Variants in AATF observed in about 807,000 individuals in gnomAD.
AATF encodes apoptosis antagonizing transcription factor, also known as protein AATF.
A neutral mutation model predicts 63.7 loss-of-function variants in AATF; 48 were observed. The ratio of observed to expected loss-of-function variants is 0.75; its 90% CI spans 0.60 to 0.96. The LOEUF (loss-of-function observed/expected upper bound fraction) is 0.96, where lower values mean the gene tolerates loss of function less well. Ranked by LOEUF, AATF falls within the 40% of genes least tolerant of loss-of-function variation. The pLI is 0.00. For synonymous variants in AATF, 258 were observed against 247.7 expected, an observed-to-expected ratio of 1.04 and a Z score of -0.39; for missense variants, 639 against 685.7, an observed-to-expected ratio of 0.93 and a Z score of 0.76.
intron 11 of AATF, among the ~76,000 whole-genome samples, chr17:37,044,227 G>T (rs910051309): frequency 1.3e-5 from 2 of 152,012 alleles, no homozygotes; most frequent in Non-Finnish European, 2.9e-5. Flanking sequence ...ATGTCACTTT[G>T]TATAGATCCA....
chr17:36,973,918 G>GA (rs1288063606), intron 4 of AATF, among the ~76,000 whole-genome samples: 1 of 151,984 alleles, frequency 6.6e-6, no homozygotes, highest in African/African-American at 2.4e-5. Flanking sequence ...TAAAAATACA[G>GA]AAATTAGCTG....
intron 8 of AATF, 48 bp downstream of exon 8, chr17:36,990,905 A>G (rs2142251486): frequency 7.3e-7 from 1 of 1,372,890 alleles, no homozygotes; most frequent in Admixed American, 2.5e-5. Flanking sequence ...TAGCATTTTA[A>G]AGCAGCTTAT....
rs141789115 is a variant in AATF, at chr17:36,975,477, G to A, written c.833-11140G>A. Reference sequence around the variant, plus strand: ...TATCCCAAAAAGTTTTTTATAGTTTGGTTTACTTAAGCCAAGTTCCATTTT... The same window carrying A: ...TATCCCAAAAAGTTTTTTATAGTTTAGTTTACTTAAGCCAAGTTCCATTTT... On this transcript the variant is annotated intron_variant, in intron 4 of 11. Transcript: ENST00000619387. Among the ~76,000 whole-genome samples the A allele has an allele frequency of 3.9e-3, 586 of 152,152 alleles. 9 individuals are homozygous for A. Among genetic ancestry groups the A allele is most frequent in the Admixed American group, 0.032 (490 of 15,280 alleles).
At chr17:37,031,554 T>C in intron 10 of AATF, 60 bp from the exon 11 acceptor site, 1 of 1,344,106 alleles carries the variant, frequency 7.4e-7, no homozygotes, top group Non-Finnish European at 1.1e-6. Flanking sequence ...ACTGAATGTG[T>C]TTCCTCTCCT....
rs34673357 is a variant in AATF, at chr17:36,960,554, A to C, written c.832+6647A>C. 7.0e-3 allele frequency among the ~76,000 whole-genome samples: 1,060 copies of C among 152,290 alleles called. 14 individuals carry two copies. The highest frequency in any genetic ancestry group is 0.024 in the African/African-American group (977 of 41,550). The stretch of plus-strand genomic sequence containing the variant: ...CCAGTACCCTGTCCCACAGGCAACC[A>C]ATTTTATCACTGAAATCCCCCCCTT... On this transcript the variant is annotated intron_variant, in intron 4 of 11. Coordinates refer to ENST00000619387, the MANE Select transcript of AATF (RefSeq NM_012138.4).
rs540506569 is a variant in AATF, at chr17:37,046,128, C to T, written c.1620-10473C>T. 3.9e-5 allele frequency among the ~76,000 whole-genome samples: 6 copies of T among 152,086 alleles called. No individual in the cohort carries two copies. In the South Asian group the frequency reaches 1.2e-3, roughly 32 times the overall value. ...ATCTGTAATTTTGTCTTACAGCTCA[C>T]TGCCATTAAACAGTTGTGTGGGATG... On this transcript the variant is annotated intron_variant, in intron 11 of 11. Coordinates refer to ENST00000619387, the MANE Select transcript of AATF (RefSeq NM_012138.4).
chr17:37,000,346 A>C lies in AATF; in HGVS notation c.1398+9489A>C, dbSNP rs143965495. On this transcript the variant is annotated intron_variant, in intron 8 of 11. Coordinates refer to ENST00000619387, the MANE Select transcript of AATF (RefSeq NM_012138.4). ...TTTGGCCTGAGCAGTTGGAGGGATT[A>C]AGTTGCTATTTACGGAGTTGGGAAA... 2.4e-3 allele frequency among the ~76,000 whole-genome samples: 367 copies of C among 152,266 alleles called. 1 individual carries two copies. The highest frequency in any genetic ancestry group is 8.2e-3 in the African/African-American group (340 of 41,534).
At chr17:36,970,855 G>A (rs888391819) in intron 4 of AATF, among the ~76,000 whole-genome samples, 1 of 151,590 alleles carries the variant, frequency 6.6e-6, no homozygotes, top group African/African-American at 2.4e-5. Context: ...AACAAATGGT[G>A]CTGGGACAAT....
intron 4 of AATF, among the ~76,000 whole-genome samples, chr17:36,985,302 T>C (rs1045890071): frequency 2.0e-5 from 3 of 151,998 alleles, no homozygotes; most frequent in Non-Finnish European, 4.4e-5. Flanking sequence ...TCACCTTCAC[T>C]CTATTGCTCA....
intron 4 of AATF, among the ~76,000 whole-genome samples, chr17:36,977,560 A>G (rs936511740): frequency 1.3e-5 from 2 of 151,908 alleles, no homozygotes; most frequent in Non-Finnish European, 1.5e-5. Context: ...TTCTAATTTT[A>G]TTTTTAATAA....
rs550691240 is a variant in AATF, at chr17:37,041,822, A to C, written c.1619+10137A>C. 2.0e-5 allele frequency among the ~76,000 whole-genome samples: 3 copies of C among 152,332 alleles called. No individual in the cohort carries two copies. The South Asian group carries it at 6.2e-4, about 32-fold the overall frequency. On this transcript the variant is annotated intron_variant, in intron 11 of 11. Transcript: ENST00000619387. ...ACCCGGCCGGGAGAGCCATCTTTTA[A>C]AAAATATTTCCTATTTAGATATAAA... is the stretch of plus-strand genomic sequence containing the variant.
In AATF at chr17:36,950,305, A is replaced by T; in HGVS notation, c.183A>T (p.Ser61=). The part of the protein sequence containing the change: ...LVVGSIRKLA[S]ASLLDTDKRY... ...TGGGTAGCATTAGAAAACTGGCATC[A>T]GCCTCCCTCTTGGACACGGACAAAA... is the stretch of plus-strand genomic sequence containing the variant. The change falls in exon 2 of 12, where the codon TCA becomes TCT. Residue 61 remains serine, a synonymous_variant. Coordinates refer to ENST00000619387, the MANE Select transcript of AATF (RefSeq NM_012138.4). The T allele has an allele frequency of 2.5e-6, 4 of 1,614,184 alleles. No individual in the cohort carries two copies.
chr17:36,951,575 A>G (rs968168025), intron 2 of AATF, among the ~76,000 whole-genome samples: 1 of 152,180 alleles, frequency 6.6e-6, no homozygotes, highest in African/African-American at 2.4e-5. Flanking sequence ...CATTTTACAG[A>G]TAAGGAAATC....
At chr17:36,987,039 G>A (rs1200857482) in intron 5 of AATF, among the ~76,000 whole-genome samples, 1 of 152,198 alleles carries the variant, frequency 6.6e-6, no homozygotes, top group African/African-American at 2.4e-5. Context: ...CCAGGCTGGA[G>A]TGCAGTGATG....
chr17:37,050,312 C>G (rs2071737085), intron 11 of AATF, among the ~76,000 whole-genome samples: 1 of 152,178 alleles, frequency 6.6e-6, no homozygotes, highest in African/African-American at 2.4e-5. Flanking sequence ...TCTGCTGTGC[C>G]TTTCATGTCT....
intron 8 of AATF, 121 bp from the exon 9 acceptor site, chr17:37,018,884 T>C: frequency 3.9e-6 from 3 of 766,012 alleles, no homozygotes; most frequent in East Asian, 5.0e-5. Flanking sequence ...CACTGGGTTG[T>C]CCCTTATTGA....
chr17:37,016,612 G>T (rs2071430367), intron 8 of AATF, among the ~76,000 whole-genome samples: 1 of 151,848 alleles, frequency 6.6e-6, no homozygotes, highest in South Asian at 2.1e-4. Flanking sequence ...AATTGTAACA[G>T]AAACTTGAAT....
intron 4 of AATF, among the ~76,000 whole-genome samples, chr17:36,961,439 AT>A (rs1176656830): frequency 6.6e-6 from 1 of 152,228 alleles, no homozygotes; most frequent in Non-Finnish European, 1.5e-5. Context: ...TATCAAAGAT[AT>A]TATAATTTCA....
intron 4 of AATF, among the ~76,000 whole-genome samples, chr17:36,981,704 T>TTC (rs1230585970): frequency 3.2e-4 from 44 of 138,932 alleles, no homozygotes; most frequent in African/African-American, 1.3e-3. Context: ...TTTCTTTTCT[T>TTC]TTTTTTTTTT....
Sources: allele counts gnomAD v4.1 joint callset (sites outside exome capture counted in the v4.1 genomes callset), GRCh38; gene constraint gnomAD v4.1.1; transcripts MANE v1.5; gene names NCBI Gene and HGNC (gene_info 2026-07-23, HGNC 2026-07-21).